DBT: variants seen among roughly 807,000 people sequenced by gnomAD.
DBT encodes lipoamide acyltransferase component of branched-chain alpha-keto acid dehydrogenase complex, mitochondrial.
A neutral mutation model predicts 51.3 loss-of-function variants in DBT; 40 were observed. That is an observed-to-expected ratio of 0.78 (90% confidence interval 0.61 to 1.02). The LOEUF (loss-of-function observed/expected upper bound fraction) is 1.02, where lower values mean the gene tolerates loss of function less well. Ranked by LOEUF, DBT falls within the 50% of genes least tolerant of loss-of-function variation. The probability of loss-of-function intolerance (pLI) is 0.00; values close to 1 mark genes in which losing one functional copy is unlikely to be tolerated. For missense variants in DBT, 510 were observed against 580.2 expected, an observed-to-expected ratio of 0.88 and a Z score of 1.24; for synonymous variants, 181 against 190.4, an observed-to-expected ratio of 0.95 and a Z score of 0.41.
chr1:100,217,750 A>T (rs1662580375), intron 5 of DBT, among the ~76,000 whole-genome samples: 1 of 151,564 alleles, frequency 6.6e-6, no homozygotes, highest in African/African-American at 2.4e-5. Flanking sequence ...ACTTGGTTTT[A>T]GATAAGTTAA....
At chr1:100,245,477 C>T (rs1370710661) in intron 1 of DBT, among the ~76,000 whole-genome samples, 2 of 152,162 alleles carry the variant, frequency 1.3e-5, no homozygotes, top group African/African-American at 4.8e-5. Flanking sequence ...ACTAAAGACA[C>T]CTAGTTCTAT....
At chr1:100,218,861 T>A (rs1018421393) in intron 4 of DBT, 114 bp from the exon 5 acceptor site, 60 of 771,316 alleles carry the variant, frequency 7.8e-5, no homozygotes, top group Non-Finnish European at 1.2e-4. Context: ...TTAAAGTTTA[T>A]AGTCTAAATG....
intron 7 of DBT, among the ~76,000 whole-genome samples, chr1:100,214,320 T>C (rs1206999432): frequency 2.0e-5 from 3 of 152,204 alleles, no homozygotes; most frequent in Non-Finnish European, 4.4e-5. Context: ...GCTAAAAATA[T>C]AGTACAGAAA....
chr1:100,214,188 A>T (rs558409192), intron 7 of DBT, among the ~76,000 whole-genome samples: 4 of 152,318 alleles, frequency 2.6e-5, no homozygotes, highest in African/African-American at 9.6e-5. Context: ...TGTCAGTGAT[A>T]TTGCAAAATT....
Position 100,235,464 on chromosome 1 carries a change from C to T in DBT, c.223G>A (p.Gly75Arg). 6.3e-7 allele frequency: 1 copy of T among 1,590,810 alleles called. No homozygotes were observed. ...TCTTTAACAGTTACTTCTCTAATCCCTTCTCCAATGTCTGAGAGCTTGAAC... is the reference window on the plus strand; with the variant it reads ...TCTTTAACAGTTACTTCTCTAATCCTTTCTCCAATGTCTGAGAGCTTGAAC... ...VQFKLSDIGE[G>R]IREVTVKEWY... is the part of the protein sequence containing the mutation. Residue 75 changes from glycine (G) to arginine (R), a missense_variant, in exon 3 of 11, where the codon GGG (glycine) becomes AGG (arginine). Coordinates refer to ENST00000370132, the MANE Select transcript of DBT (RefSeq NM_001918.5).
chr1:100,236,953 C>T (rs973229901), intron 2 of DBT, among the ~76,000 whole-genome samples: 2 of 152,140 alleles, frequency 1.3e-5, no homozygotes, highest in African/African-American at 4.8e-5. Flanking sequence ...GAACTTCATC[C>T]TAAAGGTGAT....
chr1:100,210,568 C>T, intron 8 of DBT, 126 bp downstream of exon 8: 1 of 1,282,840 alleles, frequency 7.8e-7, no homozygotes, highest in East Asian at 2.5e-5. Context: ...TAATGTTTTA[C>T]CCCATACCTT....
intron 9 of DBT, 29 bp downstream of exon 9, chr1:100,206,416 G>C (rs376457304): frequency 6.3e-7 from 1 of 1,578,192 alleles, no homozygotes; most frequent in Non-Finnish European, 8.7e-7. Context: ...CTTAAGTAAT[G>C]GTTTATGTAT....
chr1:100,226,924 C>G (rs778630396), intron 4 of DBT, among the ~76,000 whole-genome samples: 5 of 152,170 alleles, frequency 3.3e-5, no homozygotes, highest in Non-Finnish European at 5.9e-5. Flanking sequence ...TCATGCATTG[C>G]TTAATGATGG....
chr1:100,215,225 A>C (rs1226807287), intron 6 of DBT, among the ~76,000 whole-genome samples: 1 of 152,204 alleles, frequency 6.6e-6, no homozygotes, highest in African/African-American at 2.4e-5. Flanking sequence ...ACTGCTTTAA[A>C]TGCTGTGTTA....
intron 10 of DBT, among the ~76,000 whole-genome samples, chr1:100,198,147 G>A (rs1661214350): frequency 6.6e-6 from 1 of 152,034 alleles, no homozygotes; most frequent in African/African-American, 2.4e-5. Context: ...AACAAAACAT[G>A]GCATACATTT....
intron 7 of DBT, chr1:100,211,158 T>G (rs566696768): frequency 2.6e-6 from 2 of 777,184 alleles, no homozygotes; most frequent in East Asian, 4.9e-5. Context: ...GCAGGTAAGC[T>G]ATTTCTCTGT....
intron 4 of DBT, among the ~76,000 whole-genome samples, chr1:100,227,668 T>A (rs913606114): frequency 2.6e-5 from 4 of 152,222 alleles, no homozygotes; most frequent in Non-Finnish European, 4.4e-5. Context: ...AGGGTATCAT[T>A]ATCCTAGTTC....
At position 100,188,023 on chromosome 1, in the gene DBT, T is replaced by C. The variant is rs1660647597; in HGVS notation, c.*8232A>G. ...AAAGGACAGTGGTGGTTTTTAAAAATGATTTCTTCACTGTGGCAAGTTTGT... is the reference window on the plus strand; with the variant it reads ...AAAGGACAGTGGTGGTTTTTAAAAACGATTTCTTCACTGTGGCAAGTTTGT... On this transcript the variant is annotated 3_prime_UTR_variant, in exon 11 of 11. Coordinates refer to ENST00000370132, the MANE Select transcript of DBT (RefSeq NM_001918.5). 6.6e-6 allele frequency: 1 copy of C among 152,202 alleles called. No homozygotes were observed. Among genetic ancestry groups the C allele is most frequent in the Admixed American group, 6.5e-5 (1 of 15,276 alleles). 9.4% of individuals were successfully genotyped at this position (152,202 alleles called of 1,614,324 possible). A position where few individuals can be genotyped will look rare whatever the true frequency, so the allele number is the denominator to read the frequency against.
intron 2 of DBT, among the ~76,000 whole-genome samples, chr1:100,239,387 C>CA (rs1451140716): frequency 6.6e-6 from 1 of 151,350 alleles, no homozygotes; most frequent in East Asian, 1.9e-4. Context: ...TGGGAAGTAA[C>CA]AAAAAAAGAT....
intron 1 of DBT, among the ~76,000 whole-genome samples, chr1:100,242,326 G>A (rs1300305787): frequency 6.6e-6 from 1 of 151,768 alleles, no homozygotes; most frequent in Non-Finnish European, 1.5e-5. Context: ...TAGAATTTTT[G>A]TTTTTTTCTG....
intron 10 of DBT, among the ~76,000 whole-genome samples, chr1:100,205,909 T>C (rs1481030889): frequency 1.3e-5 from 2 of 151,914 alleles, no homozygotes; most frequent in Non-Finnish European, 1.5e-5. Flanking sequence ...GGGAACACCA[T>C]ACACTGGGGA....
At chr1:100,227,722 GT>G (rs1190303220) in intron 4 of DBT, among the ~76,000 whole-genome samples, 1 of 152,204 alleles carries the variant, frequency 6.6e-6, no homozygotes, top group Non-Finnish European at 1.5e-5. Flanking sequence ...CAGATGTTAA[GT>G]GTATCCTGAT....
At chr1:100,218,941 G>A (rs758741813) in intron 4 of DBT, among the ~76,000 whole-genome samples, 194 bp from the exon 5 acceptor site, 19 of 151,396 alleles carry the variant, frequency 1.3e-4, no homozygotes, top group East Asian at 9.7e-4. Flanking sequence ...GTGGGGGGGG[G>A]GGTGTGTGCC....
Sources: allele counts gnomAD v4.1 joint callset (sites outside exome capture counted in the v4.1 genomes callset), GRCh38; gene constraint gnomAD v4.1.1; transcripts MANE v1.5; gene names NCBI Gene and HGNC (gene_info 2026-07-23, HGNC 2026-07-21).